SLC6A4: variants seen among roughly 807,000 people sequenced by gnomAD.
SLC6A4 encodes solute carrier family 6 member 4, also known as sodium-dependent serotonin transporter.
A neutral mutation model predicts 73.4 loss-of-function variants in SLC6A4; 22 were observed. The ratio of observed to expected loss-of-function variants is 0.30; its 90% CI spans 0.21 to 0.43. SLC6A4 has a LOEUF of 0.43. Among genes scored for constraint, SLC6A4 ranks in the 20% least tolerant of loss-of-function variants. SLC6A4 has a pLI of 1.00. For missense variants in SLC6A4, 593 were observed against 808.5 expected (o/e 0.73, Z 3.23); for synonymous variants, 270 against 315.5 (o/e 0.86, Z 1.53).
At chr17:30,217,325 A>G in intron 5 of SLC6A4, 21 bp from the exon 6 acceptor site, 1 of 1,610,512 alleles carries the variant, frequency 6.2e-7, no homozygotes, top group Non-Finnish European at 8.5e-7. Flanking sequence ...GGAGAAAGAA[A>G]GGCCCCTGAG....
In SLC6A4 at chr17:30,211,299, C is replaced by T. The variant is rs1263351906; in HGVS notation, c.1317+13G>A. Reference sequence around the variant, plus strand: ...ATCCTCCCACAGCCCATTTCCCCTTCCCATTTCCTCACCGTGCTGTCCAAG... The same window carrying T: ...ATCCTCCCACAGCCCATTTCCCCTTTCCATTTCCTCACCGTGCTGTCCAAG... On this transcript the variant is annotated intron_variant, in intron 10 of 14. Coordinates refer to ENST00000650711, the MANE Select transcript of SLC6A4 (RefSeq NM_001045.6). This position sits in a 1 kb window ranked among gnomAD's most constrained non-coding sequence, Gnocchi z 4.0. The T allele has an allele frequency of 6.5e-6, 10 of 1,528,144 alleles. No homozygotes were observed. Among genetic ancestry groups the T allele is most frequent in the African/African-American group, 1.4e-5 (1 of 73,098 alleles). 94.7% of individuals were successfully genotyped at this position (1,528,144 alleles called of 1,614,324 possible).
chr17:30,206,241 C>CAAAAAAAAA (rs5819882), intron 13 of SLC6A4: 14 of 106,536 alleles, frequency 1.3e-4, no homozygotes, highest in Non-Finnish European at 2.2e-4. Flanking sequence ...CTCTAAAAGA[C>CAAAAAAAAA]AAAAAAAAAA....
chr17:30,199,902 T>C (rs1339056001), intron 14 of SLC6A4, among the ~76,000 whole-genome samples: 1 of 150,998 alleles, frequency 6.6e-6, no homozygotes, highest in Non-Finnish European at 1.5e-5. Flanking sequence ...ACGAGTCCTT[T>C]TTTTTTTTTT....
At chr17:30,227,689 G>A (rs1284657351) in intron 1 of SLC6A4, among the ~76,000 whole-genome samples, 1 of 152,104 alleles carries the variant, frequency 6.6e-6, no homozygotes, top group Non-Finnish European at 1.5e-5. Context: ...GTTTCACCAT[G>A]TTGCCCAGGT....
chr17:30,212,928 A>T lies in SLC6A4; in HGVS notation c.1077-61T>A, dbSNP rs572953858. On this transcript the variant is annotated intron_variant, in intron 8 of 14. Transcript: ENST00000650711. Reference sequence around the variant, plus strand: ...TTCCAAGATCAGGGGTCTAAGGAGCATCTGTCCGTGTGCCTGCCCTGCCTT... The same window carrying T: ...TTCCAAGATCAGGGGTCTAAGGAGCTTCTGTCCGTGTGCCTGCCCTGCCTT... 73 of 1,587,424 alleles carry T rather than the reference A, an allele frequency of 4.6e-5. 1 individual carries two copies. The South Asian group carries it at 7.9e-4, about 17-fold the overall frequency.
chr17:30,212,700 CAGTA>C, intron 9 of SLC6A4, 36 bp downstream of exon 9: 1 of 1,603,288 alleles, frequency 6.2e-7, no homozygotes, highest in Non-Finnish European at 8.5e-7. Context: ...CAAAGCAACT[CAGTA>C]GGAGCAAGGG....
intron 1 of SLC6A4, among the ~76,000 whole-genome samples, chr17:30,224,257 T>C (rs1906862378): frequency 6.6e-6 from 1 of 151,952 alleles, no homozygotes; most frequent in Non-Finnish European, 1.5e-5. Flanking sequence ...CTTGCTCTGT[T>C]GCCCAGGCTG....
In SLC6A4 at chr17:30,230,086, A is replaced by G. The variant is rs559444727; in HGVS notation, c.-221+5527T>C. 1.5e-3 allele frequency among the ~76,000 whole-genome samples: 191 copies of G among 130,196 alleles called. 1 individual carries two copies. The highest frequency in any genetic ancestry group is 6.2e-3 in the African/African-American group (173 of 27,802). The allele number at this position is 130,196 out of a possible 152,430, so 85.4% of individuals were successfully genotyped here. ...AAGAAGAAGAAGAAGAAGAAGAAGAAGAAGAAGAAGAGGAGGAAGAGGAAG... is the reference window on the plus strand; with the variant it reads ...AAGAAGAAGAAGAAGAAGAAGAAGAGGAAGAAGAAGAGGAGGAAGAGGAAG... On this transcript the variant is annotated intron_variant, in intron 1 of 14. Transcript: ENST00000650711.
intron 6 of SLC6A4, 104 bp downstream of exon 6, chr17:30,217,062 G>T: frequency 3.1e-6 from 3 of 963,874 alleles, no homozygotes; most frequent in South Asian, 1.6e-5. Context: ...GAATGTGTTT[G>T]GTGTGGAAGG....
chr17:30,209,443 G>A (rs933301107), intron 11 of SLC6A4, among the ~76,000 whole-genome samples: 9 of 152,128 alleles, frequency 5.9e-5, no homozygotes, highest in South Asian at 2.1e-4. Context: ...AGGCTGAGGC[G>A]GGCGTATCAC....
chr17:30,232,856 G>C (rs900844121), intron 1 of SLC6A4, among the ~76,000 whole-genome samples: 1 of 152,188 alleles, frequency 6.6e-6, no homozygotes. Context: ...TTTCTCACAG[G>C]GCAACATTTC....
chr17:30,218,410 G>A (rs1906647605), intron 4 of SLC6A4, 73 bp from the exon 5 acceptor site: 3 of 1,165,350 alleles, frequency 2.6e-6, no homozygotes, highest in African/African-American at 1.5e-5. Flanking sequence ...CTGAAACGGG[G>A]CACTGGAGAG....
At chr17:30,198,552 GT>G in intron 14 of SLC6A4, 22 bp from the exon 15 acceptor site, 1 of 1,335,948 alleles carries the variant, frequency 7.5e-7, no homozygotes, top group Non-Finnish European at 1.1e-6. Context: ...AAAATACAAT[GT>G]TATAAACATC....
chr17:30,222,971 C>T, intron 1 of SLC6A4, 56 bp from the exon 2 acceptor site: 1 of 541,756 alleles, frequency 1.8e-6, no homozygotes, highest in East Asian at 6.8e-5. Context: ...TCGCCGTCCC[C>T]CTGTGCCTCC....
At chr17:30,215,461 G>C (rs1472065286) in intron 8 of SLC6A4, 150 bp downstream of exon 8, 3 of 678,634 alleles carry the variant, frequency 4.4e-6, no homozygotes, top group Non-Finnish European at 7.9e-6. Context: ...GGGTGAGCTG[G>C]TCAGGGGCCT....
In SLC6A4 at chr17:30,211,557, C is replaced by G; in HGVS notation, c.1205-133G>C. On this transcript the variant is annotated intron_variant, in intron 9 of 14. Transcript: ENST00000650711. This position sits in a 1 kb window ranked among gnomAD's most constrained non-coding sequence, Gnocchi z 4.0. The stretch of plus-strand genomic sequence containing the variant: ...CTTATGTGTGAATCAGGTTTTGACA[C>G]ACACCAAGTGCGTCCTCACACTCTA... The G allele has an allele frequency of 1.5e-6, 1 of 662,560 alleles. No individual in the cohort carries two copies. The highest frequency in any genetic ancestry group is 2.8e-6 in the Non-Finnish European group (1 of 360,632). 41.0% of individuals were successfully genotyped at this position (662,560 alleles called of 1,614,324 possible). A position where few individuals can be genotyped will look rare whatever the true frequency, so the allele number is the denominator to read the frequency against.
Position 30,196,936 on chromosome 17 carries a change from G to C in SLC6A4, c.*1520C>G, listed in dbSNP as rs1401939167. On this transcript the variant is annotated 3_prime_UTR_variant, in exon 15 of 15. Transcript: ENST00000650711. ...GCCAAGGGAGGAAAACCTAGAATTGGACAGGATGTTTCCTCTGCTGTCTGG... is the reference window on the plus strand; with the variant it reads ...GCCAAGGGAGGAAAACCTAGAATTGCACAGGATGTTTCCTCTGCTGTCTGG... 6.6e-6 allele frequency: 1 copy of C among 152,328 alleles called. No individual in the cohort carries two copies. The highest frequency in any genetic ancestry group is 2.4e-5 in the African/African-American group (1 of 41,434). The allele number at this position is 152,328 out of a possible 1,614,324, so 9.4% of individuals were successfully genotyped here.
Position 30,197,294 on chromosome 17 carries a change from G to A in SLC6A4, c.*1162C>T, listed in dbSNP as rs200071742. ...CTCACAATCGTGACCGCCAGCGAGC[G>A]GCGAGGTCCACGTAAGGCTAACCCA... On this transcript the variant is annotated 3_prime_UTR_variant, in exon 15 of 15. Coordinates refer to ENST00000650711, the MANE Select transcript of SLC6A4 (RefSeq NM_001045.6). 2.0e-5 allele frequency: 3 copies of A among 152,348 alleles called. No individual in the cohort carries two copies. Among genetic ancestry groups the A allele is most frequent in the Non-Finnish European group, 4.4e-5 (3 of 68,054 alleles). 9.4% of individuals were successfully genotyped at this position (152,348 alleles called of 1,614,324 possible).
intron 1 of SLC6A4, among the ~76,000 whole-genome samples, chr17:30,230,029 G>GAAA: frequency 2.2e-5 from 3 of 137,240 alleles, no homozygotes; most frequent in African/African-American, 5.3e-5. Context: ...CAAAAAAGAA[G>GAAA]AAGAAGAAAA....
Sources: gnomAD v4.1 joint callset for allele counts (sites outside exome capture counted in the v4.1 genomes callset) on GRCh38, gnomAD v4.1.1 for gene constraint, Gnocchi (gnomAD v3.1) non-coding constraint, MANE v1.5 for transcripts, NCBI Gene and HGNC (gene_info 2026-07-23, HGNC 2026-07-21) for gene names.